Variants in PLCB1 observed in about 807,000 individuals in gnomAD.
The protein encoded by PLCB1 is 1-phosphatidylinositol 4,5-bisphosphate phosphodiesterase beta-1.
Under a neutral mutation model 161.8 loss-of-function variants are expected in PLCB1, and 46 were observed. That is an observed-to-expected ratio of 0.28 (90% CI 0.22 to 0.36). The LOEUF is 0.36. Ranked by LOEUF, PLCB1 falls within the 10% of genes least tolerant of loss-of-function variation. The pLI is 1.00. For missense variants in PLCB1, 1,016 were observed against 1,472.5 expected (o/e 0.69, Z 5.07); for synonymous variants, 517 against 503.7 (o/e 1.03, Z -0.35).
intron 31 of PLCB1, among the ~76,000 whole-genome samples, chr20:8,812,602 A>G (rs1984880771): frequency 6.6e-6 from 1 of 152,204 alleles, no homozygotes; most frequent in African/African-American, 2.4e-5. Flanking sequence ...ATCTAGACCA[A>G]CCATTTCACA....
At chr20:8,471,530 G>A (rs1982052986) in intron 3 of PLCB1, among the ~76,000 whole-genome samples, 1 of 152,108 alleles carries the variant, frequency 6.6e-6, no homozygotes, top group South Asian at 2.1e-4. Context: ...GAATTAATAT[G>A]GGAAGGATCC....
In PLCB1 at chr20:8,570,223, C is replaced by T. The variant is rs1245244037; in HGVS notation, c.247-58071C>T. 2.6e-5 allele frequency among the ~76,000 whole-genome samples: 4 copies of T among 152,192 alleles called. No individual in the cohort carries two copies. In the East Asian group the frequency reaches 5.8e-4, roughly 22 times the overall value. ...ATCTTACTATCAGCTACAAGCCTGTCGGTGAACCCAAAACTGTGGCTGGGG... is the reference window on the plus strand; with the variant it reads ...ATCTTACTATCAGCTACAAGCCTGTTGGTGAACCCAAAACTGTGGCTGGGG... On this transcript the variant is annotated intron_variant, in intron 3 of 31. Coordinates refer to ENST00000338037, the MANE Select transcript of PLCB1 (RefSeq NM_015192.4).
At chr20:8,308,629 A>G (rs1487866273) in intron 2 of PLCB1, among the ~76,000 whole-genome samples, 1 of 151,138 alleles carries the variant, frequency 6.6e-6, no homozygotes, top group Non-Finnish European at 1.5e-5. Flanking sequence ...AAAAAAAAAA[A>G]AAAAAAAAAA....
intron 2 of PLCB1, among the ~76,000 whole-genome samples, chr20:8,264,935 G>T (rs907429279): frequency 6.6e-6 from 1 of 152,128 alleles, no homozygotes. Flanking sequence ...AACATGTATG[G>T]TTGGAGATGC....
At chr20:8,178,884 A>G (rs1311857500) in intron 2 of PLCB1, among the ~76,000 whole-genome samples, 3 of 152,216 alleles carry the variant, frequency 2.0e-5, no homozygotes, top group Non-Finnish European at 4.4e-5. Flanking sequence ...CATTTATTGA[A>G]TAGGCAATCC....
intron 3 of PLCB1, among the ~76,000 whole-genome samples, chr20:8,576,904 G>A (rs75969234): frequency 0.13 from 19,434 of 152,064 alleles, 1,294 homozygotes; most frequent in East Asian, 0.25. Flanking sequence ...TACGTGTGAT[G>A]GTGAGACCTG....
In PLCB1 at chr20:8,767,598, G is replaced by A. The variant is rs573953150; in HGVS notation, c.2930+2240G>A. Among the ~76,000 whole-genome samples the A allele has an allele frequency of 4.2e-4, 64 of 152,202 alleles. 1 individual carries two copies. In the South Asian group the frequency reaches 0.011, roughly 27 times the overall value. ...ACCTGCTTCCAAATGTGAGGTTGCC[G>A]TGTGGATTTCAGAGTGTCACCCGCT... is the stretch of plus-strand genomic sequence containing the variant. On this transcript the variant is annotated intron_variant, in intron 26 of 31. Transcript: ENST00000338037.
chr20:8,446,456 T>G (rs567340850), intron 3 of PLCB1, among the ~76,000 whole-genome samples: 3 of 152,332 alleles, frequency 2.0e-5, no homozygotes, highest in Non-Finnish European at 4.4e-5. Context: ...AATATCATAC[T>G]GAATGGGCAA....
chr20:8,840,170 G>T (rs1222489701), intron 31 of PLCB1, among the ~76,000 whole-genome samples: 1 of 151,956 alleles, frequency 6.6e-6, no homozygotes, highest in African/African-American at 2.4e-5. Flanking sequence ...GACATTCACA[G>T]GGCCCCTAAG....
chr20:8,722,470 T>A, intron 15 of PLCB1, 49 bp downstream of exon 15: 2 of 1,288,208 alleles, frequency 1.6e-6, no homozygotes, highest in Non-Finnish European at 2.1e-6. Context: ...CACCCTGTAC[T>A]CTCCTGGGTC....
intron 27 of PLCB1, among the ~76,000 whole-genome samples, chr20:8,779,906 C>T (rs1484373233): frequency 2.0e-5 from 3 of 152,190 alleles, no homozygotes; most frequent in African/African-American, 4.8e-5. Context: ...TCCCTCCCTA[C>T]ATCCACAGTA....
intron 3 of PLCB1, among the ~76,000 whole-genome samples, chr20:8,452,661 T>C (rs1227548512): frequency 6.6e-6 from 1 of 152,194 alleles, no homozygotes; most frequent in Non-Finnish European, 1.5e-5. Context: ...TAGCGCTCAG[T>C]GATCCCTGCA....
intron 31 of PLCB1, among the ~76,000 whole-genome samples, chr20:8,870,777 A>G (rs1987582361): frequency 6.6e-6 from 1 of 152,198 alleles, no homozygotes. Context: ...CTTTGAATCT[A>G]AATCTGAGCA....
intron 3 of PLCB1, among the ~76,000 whole-genome samples, chr20:8,494,874 A>G (rs1983093806): frequency 6.6e-6 from 1 of 152,162 alleles, no homozygotes; most frequent in Admixed American, 6.6e-5. Context: ...CACAAATGAT[A>G]CTTACCGTAT....
At chr20:8,556,276 G>T (rs1217669294) in intron 3 of PLCB1, among the ~76,000 whole-genome samples, 1 of 151,886 alleles carries the variant, frequency 6.6e-6, no homozygotes, top group African/African-American at 2.4e-5. Flanking sequence ...AAAAGTACTT[G>T]CCTTCGTTTT....
At chr20:8,383,078 T>C (rs960813393) in intron 3 of PLCB1, among the ~76,000 whole-genome samples, 1 of 152,202 alleles carries the variant, frequency 6.6e-6, no homozygotes, top group Non-Finnish European at 1.5e-5. Context: ...GTTCAAGTCC[T>C]GAATATACTT....
chr20:8,148,439 A>G (rs2051476630), intron 1 of PLCB1, among the ~76,000 whole-genome samples: 1 of 152,238 alleles, frequency 6.6e-6, no homozygotes, highest in Non-Finnish European at 1.5e-5. Flanking sequence ...CTTGTAAAAG[A>G]TATTTTTCAA....
intron 4 of PLCB1, among the ~76,000 whole-genome samples, chr20:8,632,174 C>G (rs1013603947): frequency 1.3e-5 from 2 of 149,080 alleles, no homozygotes; most frequent in Non-Finnish European, 3.0e-5. Flanking sequence ...AACTCATACT[C>G]ATGAGTTCTG....
chr20:8,423,830 A>C (rs921449650), intron 3 of PLCB1, among the ~76,000 whole-genome samples: 1 of 152,204 alleles, frequency 6.6e-6, no homozygotes, highest in Admixed American at 6.5e-5. Context: ...TTCAAATTTC[A>C]TGAGGCAGGG....
Sources: gnomAD v4.1 joint callset for allele counts (sites outside exome capture counted in the v4.1 genomes callset) on GRCh38, gnomAD v4.1.1 for gene constraint, MANE v1.5 for transcripts, NCBI Gene and HGNC (gene_info 2026-07-23, HGNC 2026-07-21) for gene names.